Variants in RGS7BP observed in about 807,000 individuals in gnomAD.
RGS7BP encodes the protein regulator of G protein signaling 7 binding protein.
A neutral mutation model predicts 31.3 loss-of-function variants in RGS7BP; 9 were observed. The observed-to-expected ratio is 0.29, with a 90% CI of 0.17 to 0.50. The LOEUF (loss-of-function observed/expected upper bound fraction) is 0.50. Ranked by LOEUF, RGS7BP falls within the 20% of genes least tolerant of loss-of-function variation. The pLI is 0.98. For missense variants in RGS7BP, 274 were observed against 322.0 expected (o/e 0.85, Z 1.14); for synonymous variants, 115 against 120.1 (o/e 0.96, Z 0.28).
intron 2 of RGS7BP, among the ~76,000 whole-genome samples, chr5:64,517,848 A>T (rs1749013990): frequency 6.6e-6 from 1 of 152,214 alleles, no homozygotes; most frequent in Non-Finnish European, 1.5e-5. Context: ...TGCAAGGAGT[A>T]TAGGTAGTGG....
intron 2 of RGS7BP, among the ~76,000 whole-genome samples, chr5:64,555,025 G>C (rs1741887738): frequency 2.0e-5 from 3 of 151,828 alleles, no homozygotes; most frequent in Admixed American, 2.0e-4. Flanking sequence ...ATATAAAAAG[G>C]GATTAAGAAG....
chr5:64,560,481 C>T (rs762014319), intron 2 of RGS7BP, among the ~76,000 whole-genome samples: 8 of 151,764 alleles, frequency 5.3e-5, no homozygotes, highest in South Asian at 2.1e-4. Context: ...TTTCTTATTA[C>T]GTACTCCTTT....
At chr5:64,587,375 C>A (rs1453505762) in intron 3 of RGS7BP, among the ~76,000 whole-genome samples, 3 of 152,068 alleles carry the variant, frequency 2.0e-5, no homozygotes, top group Non-Finnish European at 4.4e-5. Flanking sequence ...GAAACCCTAG[C>A]AGATAAGAAA....
chr5:64,602,867 T>G (rs1743255982), intron 5 of RGS7BP, among the ~76,000 whole-genome samples: 1 of 152,250 alleles, frequency 6.6e-6, no homozygotes, highest in African/African-American at 2.4e-5. Context: ...GATTGCTTTT[T>G]AGAAAGTATC....
intron 2 of RGS7BP, among the ~76,000 whole-genome samples, chr5:64,522,136 C>G (rs550924424): frequency 1.3e-5 from 2 of 152,156 alleles, no homozygotes; most frequent in African/African-American, 2.4e-5. Context: ...CAAATATAAA[C>G]GGTCAGAATC....
chr5:64,527,606 T>TAAAAAAAAAAAAAAAAAAAAAAAAAAA (rs59081277), intron 2 of RGS7BP, among the ~76,000 whole-genome samples: 2 of 86,486 alleles, frequency 2.3e-5, no homozygotes, highest in Non-Finnish European at 4.6e-5. Flanking sequence ...CTTATAACAG[T>TAAAAAAAAAAAAAAAAAAAAAAAAAAA]AAAAAAAAAA....
At chr5:64,572,150 T>G (rs191710938) in intron 2 of RGS7BP, among the ~76,000 whole-genome samples, 59 of 152,276 alleles carry the variant, frequency 3.9e-4, no homozygotes, top group African/African-American at 5.8e-4. Flanking sequence ...CCTGTAGGAA[T>G]TACACAGGTC....
intron 2 of RGS7BP, among the ~76,000 whole-genome samples, chr5:64,534,351 T>A (rs1749451676): frequency 6.6e-6 from 1 of 152,016 alleles, no homozygotes; most frequent in South Asian, 2.1e-4. Flanking sequence ...AAAGAGTGGA[T>A]TTGATTTAAA....
At position 64,560,163 on chromosome 5, in the gene RGS7BP, A is replaced by G. The variant is rs77657541; in HGVS notation, c.333-15611A>G. On this transcript the variant is annotated intron_variant, in intron 2 of 5. Coordinates refer to ENST00000334025, the MANE Select transcript of RGS7BP (RefSeq NM_001029875.3). ...TAATATCAAACTTTAACCTTATGGT[A>G]CTTTCTCTATATCTAGCATTTAAAA... Among the ~76,000 whole-genome samples, 539 of 152,288 alleles carry G rather than the reference A, an allele frequency of 3.5e-3. 4 individuals carry two copies. Among genetic ancestry groups the G allele is most frequent in the African/African-American group, 0.011 (473 of 41,580 alleles).
Position 64,609,598 on chromosome 5 carries a change from A to G in RGS7BP, c.*346A>G. On this transcript the variant is annotated 3_prime_UTR_variant, in exon 6 of 6. Coordinates refer to ENST00000334025, the MANE Select transcript of RGS7BP (RefSeq NM_001029875.3). ...GTATTATACAGAGGAAAAATATTTC[A>G]CATATAATAGTATATCTATAGCTCT... 5.0e-6 allele frequency: 1 copy of G among 201,248 alleles called. No individual in the cohort carries two copies. The highest frequency in any genetic ancestry group is 1.0e-4 in the East Asian group (1 of 9,746). The allele number at this position is 201,248 out of a possible 1,614,324, so 12.5% of individuals were successfully genotyped here.
chr5:64,527,606 TAAAAAAAAAAAAAAAAAAAA>T (rs59081277), intron 2 of RGS7BP, among the ~76,000 whole-genome samples: 26 of 86,486 alleles, frequency 3.0e-4, no homozygotes, highest in East Asian at 2.4e-3. Flanking sequence ...CTTATAACAG[TAAAAAAAAAAAAAAAAAAAA>T]AAAAAAAAAA....
chr5:64,520,634 T>C (rs1177466448), intron 2 of RGS7BP, among the ~76,000 whole-genome samples: 1 of 152,220 alleles, frequency 6.6e-6, no homozygotes, highest in Non-Finnish European at 1.5e-5. Context: ...CCCTATGGGA[T>C]CAGACTCTGA....
At chr5:64,583,203 C>T (rs558374342) in intron 3 of RGS7BP, among the ~76,000 whole-genome samples, 13 of 152,194 alleles carry the variant, frequency 8.5e-5, no homozygotes, top group African/African-American at 2.4e-4. Flanking sequence ...GCCCGGCCGA[C>T]GTGGTGAAAC....
At chr5:64,601,739 C>A (rs1454514101) in intron 5 of RGS7BP, among the ~76,000 whole-genome samples, 1 of 152,124 alleles carries the variant, frequency 6.6e-6, no homozygotes, top group Admixed American at 6.5e-5. Flanking sequence ...GATAGTCTCG[C>A]TGTGTCAAAT....
In RGS7BP at chr5:64,523,770, C is replaced by A. The variant is rs2111905526; in HGVS notation, c.332+15893C>A. Among the ~76,000 whole-genome samples, 3 of 152,248 alleles carry A rather than the reference C, an allele frequency of 2.0e-5. 1 individual carries two copies. The highest frequency in any genetic ancestry group is 3.4e-3 in the Middle Eastern group (1 of 294). On this transcript the variant is annotated intron_variant, in intron 2 of 5. Transcript: ENST00000334025. ...TAATTAGCCTTAGGAACATGTTACA[C>A]CTTTCTGGAATTGAACATAAAGAAA...
At chr5:64,578,384 ATTAG>A (rs1742492279) in intron 3 of RGS7BP, among the ~76,000 whole-genome samples, 2 of 152,344 alleles carry the variant, frequency 1.3e-5, no homozygotes, top group Admixed American at 6.5e-5. Context: ...TAAAATCATT[ATTAG>A]TTAAAGTGTA....
At chr5:64,575,942 G>A (rs1580446853) in intron 3 of RGS7BP, 38 bp downstream of exon 3, 6 of 1,587,500 alleles carry the variant, frequency 3.8e-6, no homozygotes, top group Non-Finnish European at 4.3e-6. Context: ...ACTGAGGAAT[G>A]TTGAACAAAA....
At chr5:64,538,013 T>A (rs1209357284) in intron 2 of RGS7BP, among the ~76,000 whole-genome samples, 7 of 152,176 alleles carry the variant, frequency 4.6e-5, no homozygotes. Context: ...GCTCTTTTTT[T>A]AACCTCTTCT....
chr5:64,541,672 A>G (rs373346336), intron 2 of RGS7BP, among the ~76,000 whole-genome samples: 1 of 152,220 alleles, frequency 6.6e-6, no homozygotes, highest in East Asian at 1.9e-4. Flanking sequence ...AGTTGTACTT[A>G]CAGTTATTTA....
Sources: gnomAD v4.1 joint callset for allele counts (sites outside exome capture counted in the v4.1 genomes callset) on GRCh38, gnomAD v4.1.1 for gene constraint, MANE v1.5 for transcripts, NCBI Gene and HGNC (gene_info 2026-07-23, HGNC 2026-07-21) for gene names.